SNX24: variants seen among roughly 807,000 people sequenced by gnomAD.
The protein encoded by SNX24 is sorting nexin 24, also known as sorting nexin-24.
In SNX24, 22 loss-of-function variants were observed where a neutral mutation model predicts 28.7. The observed-to-expected ratio is 0.77, with a 90% CI of 0.55 to 1.10. The LOEUF (loss-of-function observed/expected upper bound fraction) is 1.10, where lower values mean the gene tolerates loss of function less well. Ranked by LOEUF, SNX24 falls within the 50% of genes least tolerant of loss-of-function variation. SNX24 has a pLI of 0.00. For synonymous variants in SNX24, 69 were observed against 71.5 expected (o/e 0.96, Z 0.18); for missense variants, 221 against 201.1 (o/e 1.10, Z -0.60).
chr5:122,934,584 T>C (rs989430987), intron 1 of SNX24, among the ~76,000 whole-genome samples: 11 of 152,132 alleles, frequency 7.2e-5, no homozygotes, highest in Non-Finnish European at 1.3e-4. Context: ...GGTCTCAAAC[T>C]CCTGACCTCA....
At chr5:122,870,833 G>C (rs1755941286) in intron 1 of SNX24, among the ~76,000 whole-genome samples, 4 of 152,218 alleles carry the variant, frequency 2.6e-5, no homozygotes, top group African/African-American at 9.6e-5. Flanking sequence ...AAAGGCTGTT[G>C]ATGTGGTGGT....
At chr5:122,893,732 G>A (rs2150072913) in intron 1 of SNX24, among the ~76,000 whole-genome samples, 1 of 152,224 alleles carries the variant, frequency 6.6e-6, no homozygotes, top group Non-Finnish European at 1.5e-5. Flanking sequence ...GGTTTGTACA[G>A]TTAGAGTTCT....
At chr5:122,933,771 C>T (rs1416193992) in intron 1 of SNX24, among the ~76,000 whole-genome samples, 2 of 151,634 alleles carry the variant, frequency 1.3e-5, no homozygotes, top group Admixed American at 6.6e-5. Flanking sequence ...TGAAAACAGT[C>T]CTTGTCCACC....
downstream of SNX24, among the ~76,000 whole-genome samples, chr5:123,010,043 AG>A (rs1299760093): frequency 1.3e-5 from 2 of 152,198 alleles, no homozygotes; most frequent in Non-Finnish European, 2.9e-5. Flanking sequence ...GCCTCATAGC[AG>A]CACCCAGGAA....
Position 122,966,052 on chromosome 5 carries a change from G to A in SNX24, c.249+19893G>A, listed in dbSNP as rs141643062. Among the ~76,000 whole-genome samples, 390 of 152,188 alleles carry A rather than the reference G, an allele frequency of 2.6e-3. 1 individual carries two copies. Among genetic ancestry groups the A allele is most frequent in the African/African-American group, 8.9e-3 (368 of 41,516 alleles). On this transcript the variant is annotated intron_variant, in intron 3 of 6. Transcript: ENST00000261369. The stretch of plus-strand genomic sequence containing the variant: ...AAAGGAAAATTGATTAAATGTTATC[G>A]TATTTCCTATGATTTTTAGTGCCAA...
intron 3 of SNX24, among the ~76,000 whole-genome samples, chr5:122,961,632 T>C (rs994400148): frequency 3.9e-5 from 6 of 152,244 alleles, no homozygotes; most frequent in Non-Finnish European, 7.3e-5. Context: ...ATCGAAACCT[T>C]AACCAAGTTT....
chr5:122,958,745 A>T (rs1760330394), intron 3 of SNX24, among the ~76,000 whole-genome samples: 1 of 151,078 alleles, frequency 6.6e-6, no homozygotes, highest in Non-Finnish European at 1.5e-5. Context: ...TTTTTAGTAG[A>T]GACGGGGTCT....
intron 1 of SNX24, among the ~76,000 whole-genome samples, chr5:122,907,748 A>T (rs1757703276): frequency 6.6e-6 from 1 of 152,148 alleles, no homozygotes; most frequent in Non-Finnish European, 1.5e-5. Flanking sequence ...TTATAAGGAA[A>T]ATTGAATTGT....
chr5:122,945,761 T>A (rs1318154914), intron 2 of SNX24, among the ~76,000 whole-genome samples: 1 of 152,222 alleles, frequency 6.6e-6, no homozygotes, highest in Non-Finnish European at 1.5e-5. Context: ...TACTTTCATT[T>A]TTATTCATTT....
chr5:122,925,951 A>G (rs950337163), intron 1 of SNX24, among the ~76,000 whole-genome samples: 23 of 152,318 alleles, frequency 1.5e-4, no homozygotes, highest in African/African-American at 5.1e-4. Context: ...AACAGACAAT[A>G]AACCAACCAA....
chr5:122,978,029 A>T (rs1306155353), intron 3 of SNX24, among the ~76,000 whole-genome samples: 2 of 152,150 alleles, frequency 1.3e-5, no homozygotes, highest in Admixed American at 6.5e-5. Flanking sequence ...ATTTTTTTTC[A>T]TATTGAAGAT....
intron 1 of SNX24, among the ~76,000 whole-genome samples, chr5:122,858,028 AC>A (rs1367844017): frequency 2.0e-5 from 3 of 152,082 alleles, no homozygotes; most frequent in African/African-American, 7.2e-5. Flanking sequence ...TGATCCGCCC[AC>A]CTCGGCCTCC....
intron 5 of SNX24, among the ~76,000 whole-genome samples, chr5:123,015,970 A>G (rs55943014): frequency 0.15 from 22,252 of 152,114 alleles, 1,938 homozygotes; most frequent in East Asian, 0.36. Flanking sequence ...GTAATAAAAA[A>G]TATACCATTC....
At chr5:122,905,413 C>T (rs1404015202) in intron 1 of SNX24, among the ~76,000 whole-genome samples, 9 of 152,190 alleles carry the variant, frequency 5.9e-5, no homozygotes, top group African/African-American at 1.4e-4. Context: ...GCCACTCACT[C>T]AGGAGGCTTA....
intron 3 of SNX24, among the ~76,000 whole-genome samples, chr5:122,975,807 A>C (rs1391154072): frequency 6.6e-6 from 1 of 152,238 alleles, no homozygotes; most frequent in Non-Finnish European, 1.5e-5. Flanking sequence ...TTGGATCTGC[A>C]AAGATTAAAA....
At chr5:122,968,468 C>T (rs1165278288) in intron 3 of SNX24, among the ~76,000 whole-genome samples, 1 of 152,172 alleles carries the variant, frequency 6.6e-6, no homozygotes, top group Admixed American at 6.5e-5. Flanking sequence ...TCCCATTGTT[C>T]TGTAAAGAAC....
intron 1 of SNX24, among the ~76,000 whole-genome samples, chr5:122,874,906 G>A (rs1474389722): frequency 6.6e-6 from 1 of 152,192 alleles, no homozygotes; most frequent in Non-Finnish European, 1.5e-5. Flanking sequence ...TGAAATAATA[G>A]ATGCCAAGCC....
At chr5:123,025,324 C>T (rs1002371062) in intron 5 of SNX24, among the ~76,000 whole-genome samples, 3 of 152,122 alleles carry the variant, frequency 2.0e-5, no homozygotes, top group Admixed American at 6.5e-5. Flanking sequence ...ATCCCCAGCC[C>T]CTGGCAACTA....
rs190754026 is a variant in SNX24, at chr5:122,974,824, C to T, written c.250-25088C>T. On this transcript the variant is annotated intron_variant, in intron 3 of 6. Transcript: ENST00000261369. Reference sequence around the variant, plus strand: ...TTTTTCTAGGTAGAGGCAGCTCTAACGGCTTCCATTCGGCCTTCCCACCAT... The same window carrying T: ...TTTTTCTAGGTAGAGGCAGCTCTAATGGCTTCCATTCGGCCTTCCCACCAT... 3.0e-3 allele frequency among the ~76,000 whole-genome samples: 453 copies of T among 152,318 alleles called. 2 individuals are homozygous for T. The highest frequency in any genetic ancestry group is 0.01 in the African/African-American group (436 of 41,578).
Sources: allele counts gnomAD v4.1 joint callset (sites outside exome capture counted in the v4.1 genomes callset), GRCh38; gene constraint gnomAD v4.1.1; transcripts MANE v1.5; gene names NCBI Gene and HGNC (gene_info 2026-07-23, HGNC 2026-07-21).